Variants in ESR1 observed in about 807,000 individuals in gnomAD.
ESR1 encodes the protein estrogen receptor.
A neutral mutation model predicts 52.7 loss-of-function variants in ESR1; 12 were observed. The ratio of observed to expected loss-of-function variants is 0.23; its 90% CI spans 0.15 to 0.37. The LOEUF (loss-of-function observed/expected upper bound fraction) is 0.37. Among genes scored for constraint, ESR1 ranks in the 10% least tolerant of loss-of-function variants. The pLI, the probability that ESR1 is intolerant of heterozygous loss-of-function variation, is 1.00. For missense variants in ESR1, 584 were observed against 779.7 expected (o/e 0.75, Z 2.99); for synonymous variants, 305 against 316.8 (o/e 0.96, Z 0.39).
At chr6:152,063,088 A>G (rs1409810115) in intron 6 of ESR1, among the ~76,000 whole-genome samples, 2 of 152,096 alleles carry the variant, frequency 1.3e-5, no homozygotes, top group Non-Finnish European at 2.9e-5. Flanking sequence ...CCCAAACCTC[A>G]AGACTATATT....
At chr6:151,835,921 G>A (rs978502205) in intron 1 of ESR1, among the ~76,000 whole-genome samples, 1 of 152,004 alleles carries the variant, frequency 6.6e-6, no homozygotes, top group African/African-American at 2.4e-5. Flanking sequence ...TCTCAAACAG[G>A]TTTATGATCC....
At chr6:151,658,444 T>C (rs1777530515) in intron 1 of ESR1, among the ~76,000 whole-genome samples, 1 of 152,200 alleles carries the variant, frequency 6.6e-6, no homozygotes, top group Non-Finnish European at 1.5e-5. Context: ...TCATTCTCAT[T>C]AATATTCCTC....
chr6:151,859,957 C>T (rs1280256894), intron 2 of ESR1, among the ~76,000 whole-genome samples: 1 of 152,146 alleles, frequency 6.6e-6, no homozygotes, highest in Non-Finnish European at 1.5e-5. Context: ...CATGCTTAAC[C>T]TACAGGTGCT....
At chr6:151,980,478 G>A (rs1181884467) in intron 4 of ESR1, among the ~76,000 whole-genome samples, 1 of 151,954 alleles carries the variant, frequency 6.6e-6, no homozygotes, top group Non-Finnish European at 1.5e-5. Flanking sequence ...TAAATAGGAG[G>A]CATTTTTTGT....
At chr6:151,777,857 G>T (rs978485285) in intron 2 of ESR1, among the ~76,000 whole-genome samples, 1 of 152,208 alleles carries the variant, frequency 6.6e-6, no homozygotes, top group South Asian at 2.1e-4. Context: ...CTACGTGGGA[G>T]GCTGAGGCAG....
chr6:151,981,243 C>T (rs746317332), intron 4 of ESR1, among the ~76,000 whole-genome samples: 1 of 152,004 alleles, frequency 6.6e-6, no homozygotes, highest in Non-Finnish European at 1.5e-5. Context: ...GCTTTAATTT[C>T]CCCCTATATT....
chr6:151,735,955 T>C (rs1206657738), intron 2 of ESR1, among the ~76,000 whole-genome samples: 1 of 152,132 alleles, frequency 6.6e-6, no homozygotes, highest in East Asian at 1.9e-4. Context: ...ACGCTGTCAC[T>C]CTCACCTGCC....
chr6:151,941,600 G>C (rs1372374129), intron 3 of ESR1, among the ~76,000 whole-genome samples: 1 of 150,802 alleles, frequency 6.6e-6, no homozygotes, highest in Non-Finnish European at 1.5e-5. Flanking sequence ...TATAGTACAA[G>C]CTCAGCATCG....
chr6:152,063,200 A>G (rs1331611405), intron 6 of ESR1, among the ~76,000 whole-genome samples: 1 of 152,092 alleles, frequency 6.6e-6, no homozygotes, highest in Non-Finnish European at 1.5e-5. Flanking sequence ...TCTTCTGTGC[A>G]CTTCTTTCTT....
At chr6:152,002,438 T>C (rs1335662043) in intron 4 of ESR1, among the ~76,000 whole-genome samples, 1 of 151,938 alleles carries the variant, frequency 6.6e-6, no homozygotes, top group East Asian at 1.9e-4. Flanking sequence ...CTGATGACAA[T>C]AGTATTTGAA....
chr6:151,686,689 A>AAACCAACCAACCAACCAACCAACCAACC (rs35551206), upstream of ESR1, among the ~76,000 whole-genome samples: 1 of 126,618 alleles, frequency 7.9e-6, no homozygotes, highest in Non-Finnish European at 1.6e-5. Context: ...CTCCATCTCA[A>AAACCAACCAACCAACCAACCAACCAACC]AACCAACCAA....
chr6:151,744,527 G>A (rs1290026080), intron 2 of ESR1, among the ~76,000 whole-genome samples: 1 of 152,112 alleles, frequency 6.6e-6, no homozygotes, highest in Non-Finnish European at 1.5e-5. Context: ...TTGAGAAAAT[G>A]TATGTTCAAT....
chr6:151,942,840 C>A (rs1393332072), intron 3 of ESR1, among the ~76,000 whole-genome samples: 1 of 152,130 alleles, frequency 6.6e-6, no homozygotes, highest in African/African-American at 2.4e-5. Flanking sequence ...TTGCTTCCTT[C>A]ATATAAATCT....
chr6:151,967,858 T>C (rs533279940), intron 4 of ESR1, among the ~76,000 whole-genome samples: 22 of 152,332 alleles, frequency 1.4e-4, no homozygotes, highest in East Asian at 7.7e-4. Flanking sequence ...GTTTCCTGAC[T>C]TTTTAATGAT....
chr6:152,121,646 CTT>C (rs966894233), intron 6 of ESR1: 5 of 149,988 alleles, frequency 3.3e-5, no homozygotes, highest in African/African-American at 1.2e-4. Context: ...AATAATGAAA[CTT>C]AGAGTTATTT....
rs182190552 is a variant in ESR1 at position 151,941,382 on chromosome 6, G to A, written c.761-2791G>A. Among the ~76,000 whole-genome samples the A allele has an allele frequency of 1.9e-3, 290 of 152,134 alleles. 1 individual carries two copies. The highest frequency in any genetic ancestry group is 6.8e-3 in the African/African-American group (281 of 41,494). On this transcript the variant is annotated intron_variant, in intron 3 of 7. Transcript: ENST00000206249. ...ACACTGACTAATACTGAAGAACCAG[G>A]CATTTTCTTACCCCAGTCCTCACAC...
At chr6:151,873,580 G>C (rs142396172) in intron 2 of ESR1, among the ~76,000 whole-genome samples, 1 of 152,132 alleles carries the variant, frequency 6.6e-6, no homozygotes, top group Non-Finnish European at 1.5e-5. Context: ...GAAAATTCAC[G>C]TGCAGATTCT....
chr6:151,809,619 T>C (rs1020726561), intron 1 of ESR1, among the ~76,000 whole-genome samples: 1 of 152,168 alleles, frequency 6.6e-6, no homozygotes, highest in Non-Finnish European at 1.5e-5. Context: ...GGGATATTTA[T>C]AGCAGAAGGA....
intron 3 of ESR1, among the ~76,000 whole-genome samples, chr6:151,896,274 G>C (rs1278958252): frequency 6.6e-6 from 1 of 151,976 alleles, no homozygotes; most frequent in African/African-American, 2.4e-5. Flanking sequence ...ATTCTTCTTT[G>C]AGTGTCTGGT....
Sources: allele counts gnomAD v4.1 joint callset (sites outside exome capture counted in the v4.1 genomes callset), GRCh38; gene constraint gnomAD v4.1.1; transcripts MANE v1.5; gene names NCBI Gene and HGNC (gene_info 2026-07-23, HGNC 2026-07-21).